SOX5: variants seen among roughly 807,000 people sequenced by gnomAD.
The protein encoded by SOX5 is transcription factor SOX-5.
In SOX5, 9 loss-of-function variants were observed where a neutral mutation model predicts 92.0. That is an observed-to-expected ratio of 0.10 (90% CI 0.06 to 0.17). The LOEUF (loss-of-function observed/expected upper bound fraction) is 0.17, where lower values mean the gene tolerates loss of function less well. Ranked by LOEUF, SOX5 falls within the 10% of genes least tolerant of loss-of-function variation. The pLI is 1.00. For synonymous variants in SOX5, 344 were observed against 336.3 expected (o/e 1.02, Z -0.25); for missense variants, 642 against 944.5 (o/e 0.68, Z 4.20).
chr12:24,314,608 C>A (rs1949530512), intron 2 of SOX5, among the ~76,000 whole-genome samples: 2 of 152,278 alleles, frequency 1.3e-5, no homozygotes, highest in Admixed American at 1.3e-4. Flanking sequence ...CCTATCAACG[C>A]TTCCCATCTC....
intron 8 of SOX5, among the ~76,000 whole-genome samples, chr12:23,606,179 G>T (rs1207190897): frequency 6.6e-6 from 1 of 151,730 alleles, no homozygotes; most frequent in South Asian, 2.1e-4. Flanking sequence ...TACTTATAAA[G>T]TCTTTAAGAA....
intron 2 of SOX5, among the ~76,000 whole-genome samples, chr12:24,342,723 T>G (rs1305022351): frequency 6.6e-6 from 1 of 152,242 alleles, no homozygotes; most frequent in Non-Finnish European, 1.5e-5. Flanking sequence ...ACTTTGGTCT[T>G]TCTACCTTTC....
rs139591336 is a variant in SOX5 at position 24,050,961 on chromosome 12, T to A, written c.-1-154937A>T. Among the ~76,000 whole-genome samples the A allele has an allele frequency of 2.3e-3, 355 of 152,284 alleles. 2 individuals are homozygous for A. Among genetic ancestry groups the A allele is most frequent in the Non-Finnish European group, 3.9e-3 (262 of 67,986 alleles). On this transcript the variant is annotated intron_variant, in intron 4 of 4. Coordinates refer to the SOX5 transcript ENST00000446891. ...CTTTCTACCAGAATAATTTTTCTCC[T>A]TAATTACATGATCCTCTCTCTTTTT...
At chr12:24,557,190 C>T (rs1195832026) in intron 1 of SOX5, among the ~76,000 whole-genome samples, 1 of 152,042 alleles carries the variant, frequency 6.6e-6, no homozygotes, top group Non-Finnish European at 1.5e-5. Context: ...GAGATCGAGA[C>T]CACTCTGACC....
In SOX5 at chr12:24,426,850, C is replaced by G. The variant is rs561211276; in HGVS notation, c.-250-58211G>C. Among the ~76,000 whole-genome samples the G allele has an allele frequency of 5.9e-5, 9 of 152,138 alleles. No individual in the cohort carries two copies. The South Asian group carries it at 1.9e-3, about 32-fold the overall frequency. Reference sequence around the variant, plus strand: ...CTCTCTGGAAAGCCCTTGTCTTTTTCCCTCGTCTTTACCCCTCATTATTTA... The same window carrying G: ...CTCTCTGGAAAGCCCTTGTCTTTTTGCCTCGTCTTTACCCCTCATTATTTA... On this transcript the variant is annotated intron_variant, in intron 1 of 4. Transcript: ENST00000446891.
chr12:24,341,981 C>T (rs572826236), intron 2 of SOX5, among the ~76,000 whole-genome samples: 1 of 152,234 alleles, frequency 6.6e-6, no homozygotes, highest in Admixed American at 6.5e-5. Flanking sequence ...GTATTAAATC[C>T]CCTCCATAAA....
intron 8 of SOX5, among the ~76,000 whole-genome samples, chr12:23,605,436 T>C (rs1264681104): frequency 1.3e-5 from 2 of 148,542 alleles, no homozygotes; most frequent in Non-Finnish European, 3.0e-5. Flanking sequence ...TAAATAAATA[T>C]ATCATATATT....
chr12:23,738,101 T>C (rs1293129692), intron 5 of SOX5, among the ~76,000 whole-genome samples: 1 of 152,180 alleles, frequency 6.6e-6, no homozygotes, highest in Non-Finnish European at 1.5e-5. Context: ...AAACCTGGCA[T>C]CAAATTGGTG....
At chr12:23,610,662 TAGAA>T (rs1448295885) in intron 8 of SOX5, among the ~76,000 whole-genome samples, 1 of 152,098 alleles carries the variant, frequency 6.6e-6, no homozygotes, top group Non-Finnish European at 1.5e-5. Flanking sequence ...TCCAAAGAAT[TAGAA>T]AGAAAGGCTC....
chr12:24,071,969 A>G (rs943285949), intron 4 of SOX5, among the ~76,000 whole-genome samples: 4 of 152,226 alleles, frequency 2.6e-5, no homozygotes, highest in African/African-American at 7.2e-5. Flanking sequence ...CATTTTAAAG[A>G]TGAGTAAACC....
chr12:24,274,211 T>A (rs1172594894), intron 3 of SOX5, among the ~76,000 whole-genome samples: 1 of 152,212 alleles, frequency 6.6e-6, no homozygotes, highest in Non-Finnish European at 1.5e-5. Context: ...CTAAGACAAG[T>A]GAATTAATAT....
rs1324187037 is a variant in SOX5, at chr12:24,095,126, CACAGAGAGAGAG to C, written c.-2+118205_-2+118216del. ...ACACACACACACACACACACACACA[CACAGAGAGAGAG>C]AGAGAGAGAGAGAGAGAGACAGAGA... is the stretch of plus-strand genomic sequence containing the variant. On this transcript the variant is annotated intron_variant, in intron 4 of 4. Transcript: ENST00000446891. Among the ~76,000 whole-genome samples the C allele has an allele frequency of 8.8e-3, 791 of 90,188 alleles. 5 individuals carry two copies. The highest frequency in any genetic ancestry group is 0.011 in the Non-Finnish European group (459 of 43,368). The allele number at this position is 90,188 out of a possible 152,430, so 59.2% of individuals were successfully genotyped here. A position where few individuals can be genotyped will look rare whatever the true frequency, so the allele number is the denominator to read the frequency against.
intron 1 of SOX5, among the ~76,000 whole-genome samples, chr12:24,560,325 A>G (rs540911386): frequency 5.3e-5 from 8 of 152,354 alleles, no homozygotes; most frequent in African/African-American, 1.4e-4. Context: ...TAGGCAAACA[A>G]AAGCAATCCC....
At chr12:23,544,376 T>C (rs1191467970) in intron 12 of SOX5, among the ~76,000 whole-genome samples, 1 of 152,206 alleles carries the variant, frequency 6.6e-6, no homozygotes, top group African/African-American at 2.4e-5. Context: ...CTGGGTATTA[T>C]CACAAAATAA....
intron 12 of SOX5, 27 bp downstream of exon 12, chr12:23,546,289 G>C (rs774119544): frequency 7.8e-7 from 1 of 1,285,660 alleles, no homozygotes; most frequent in Admixed American, 1.7e-5. Flanking sequence ...TGCATTATTA[G>C]AATATGTATG....
chr12:24,467,478 GA>G (rs533904849), intron 1 of SOX5, among the ~76,000 whole-genome samples: 59 of 152,254 alleles, frequency 3.9e-4, no homozygotes, highest in Admixed American at 7.2e-4. Context: ...AAGGAGGAAG[GA>G]AACTGTGGGC....
chr12:24,270,776 T>A (rs1253916899), intron 3 of SOX5, among the ~76,000 whole-genome samples: 2 of 152,238 alleles, frequency 1.3e-5, no homozygotes, highest in African/African-American at 2.4e-5. Flanking sequence ...AATGATATAA[T>A]TTAGTTGGCC....
chr12:23,529,864 T>A lies in SOX5; in HGVS notation c.*4355A>T, dbSNP rs1225888510. 6.6e-6 allele frequency: 1 copy of A among 152,200 alleles called. No individual in the cohort carries two copies. The highest frequency in any genetic ancestry group is 1.5e-5 in the Non-Finnish European group (1 of 68,028). The allele number at this position is 152,200 out of a possible 1,614,324, so 9.4% of individuals were successfully genotyped here. A position where few individuals can be genotyped will look rare whatever the true frequency, so the allele number is the denominator to read the frequency against. On this transcript the variant is annotated 3_prime_UTR_variant, in exon 15 of 15. Coordinates refer to ENST00000451604, the MANE Select transcript of SOX5 (RefSeq NM_006940.6). ...AGCTCCAGGCATTTGATTGTCTCTT[T>A]TCTATTTTTTTTCCATTTTTACTTG...
chr12:24,129,442 T>C (rs1253096862), intron 4 of SOX5, among the ~76,000 whole-genome samples: 1 of 152,206 alleles, frequency 6.6e-6, no homozygotes, highest in Non-Finnish European at 1.5e-5. Context: ...GGTGTTCCTC[T>C]CCCATACTTT....
Sources: gnomAD v4.1 joint callset for allele counts (sites outside exome capture counted in the v4.1 genomes callset) on GRCh38, gnomAD v4.1.1 for gene constraint, MANE v1.5 for transcripts, NCBI Gene and HGNC (gene_info 2026-07-23, HGNC 2026-07-21) for gene names.